Variants in DDX10 observed in about 807,000 individuals in gnomAD.
The protein encoded by DDX10 is DEAD-box helicase 10.
In DDX10, 74 loss-of-function variants were observed where a neutral mutation model predicts 104.3. The ratio of observed to expected loss-of-function variants is 0.71; its 90% CI spans 0.59 to 0.86. The LOEUF (loss-of-function observed/expected upper bound fraction) is 0.86. DDX10 is among the 40% of genes least tolerant of loss of function. The pLI, the probability that DDX10 is intolerant of heterozygous loss-of-function variation, is 0.00. For missense variants in DDX10, 952 were observed against 1,040.0 expected, an observed-to-expected ratio of 0.92 and a Z score of 1.16; for synonymous variants, 351 against 353.4, an observed-to-expected ratio of 0.99 and a Z score of 0.08.
At chr11:108,885,458 A>G (rs1005935398) in intron 16 of DDX10, among the ~76,000 whole-genome samples, 3 of 151,306 alleles carry the variant, frequency 2.0e-5, no homozygotes, top group African/African-American at 7.3e-5. Context: ...CCTGGGTTCA[A>G]GCAATTCTCC....
At chr11:108,836,653 A>AT (rs966133318) in intron 13 of DDX10, among the ~76,000 whole-genome samples, 3 of 151,810 alleles carry the variant, frequency 2.0e-5, no homozygotes, top group Non-Finnish European at 4.4e-5. Context: ...TGCCCAGCTA[A>AT]TTTTTTTATA....
intron 13 of DDX10, among the ~76,000 whole-genome samples, chr11:108,737,959 A>G (rs1383398431): frequency 6.6e-6 from 1 of 152,166 alleles, no homozygotes; most frequent in Non-Finnish European, 1.5e-5. Context: ...AAGCAGAGGA[A>G]TGTTTTCTTC....
chr11:108,673,423 G>C (rs377275416), intron 1 of DDX10, 44 bp from the exon 2 acceptor site: 4 of 1,346,752 alleles, frequency 3.0e-6, no homozygotes, highest in South Asian at 1.2e-5. Context: ...TGGCTGTGTC[G>C]TGAAACAAAT....
At chr11:108,684,316 C>T (rs1182269796) in intron 6 of DDX10, among the ~76,000 whole-genome samples, 1 of 150,694 alleles carries the variant, frequency 6.6e-6, no homozygotes, top group African/African-American at 2.4e-5. Context: ...TGTCATCTAG[C>T]ATTAGGTATA....
At chr11:108,895,382 T>C (rs920683960) in intron 16 of DDX10, among the ~76,000 whole-genome samples, 1 of 152,076 alleles carries the variant, frequency 6.6e-6, no homozygotes, top group East Asian at 1.9e-4. Flanking sequence ...TAGTCTCTTA[T>C]TAAGTGATCT....
intron 13 of DDX10, among the ~76,000 whole-genome samples, chr11:108,837,538 T>C (rs1045596017): frequency 4.0e-5 from 6 of 151,408 alleles, no homozygotes; most frequent in Non-Finnish European, 8.8e-5. Flanking sequence ...GTAGTGGTTT[T>C]AGGTTGTGAG....
intron 11 of DDX10, among the ~76,000 whole-genome samples, chr11:108,719,105 T>TG (rs386374840): frequency 5.3e-5 from 1 of 18,790 alleles, no homozygotes; most frequent in Non-Finnish European, 3.5e-4. Flanking sequence ...ATGAAGATAG[T>TG]TTTTTTTTTT....
chr11:108,931,742 A>T (rs1487984615), intron 17 of DDX10, among the ~76,000 whole-genome samples: 1 of 152,120 alleles, frequency 6.6e-6, no homozygotes, highest in East Asian at 1.9e-4. Flanking sequence ...TTAATAATAA[A>T]CCTTTTAGGA....
intron 16 of DDX10, among the ~76,000 whole-genome samples, chr11:108,862,640 A>C (rs1396630637): frequency 6.6e-6 from 1 of 152,228 alleles, no homozygotes; most frequent in African/African-American, 2.4e-5. Context: ...CTCTGGTGTA[A>C]ATTAAAATGA....
chr11:108,804,978 T>G (rs1405238684), intron 13 of DDX10, among the ~76,000 whole-genome samples: 1 of 152,064 alleles, frequency 6.6e-6, no homozygotes, highest in African/African-American at 2.4e-5. Context: ...TATTAGAAAA[T>G]AGTTATAAGT....
chr11:108,742,519 C>T (rs986337874), intron 13 of DDX10, among the ~76,000 whole-genome samples: 23 of 151,202 alleles, frequency 1.5e-4, no homozygotes, highest in African/African-American at 4.4e-4. Flanking sequence ...GAGCTAAGAT[C>T]GCGCCATTGC....
chr11:108,726,121 A>G (rs558229361), intron 13 of DDX10, among the ~76,000 whole-genome samples: 1 of 152,106 alleles, frequency 6.6e-6, no homozygotes, highest in South Asian at 2.1e-4. Flanking sequence ...CAATAACACC[A>G]ATCTTGATTA....
chr11:108,877,154 C>T (rs986402131), intron 16 of DDX10, among the ~76,000 whole-genome samples: 3 of 152,114 alleles, frequency 2.0e-5, no homozygotes, highest in African/African-American at 4.8e-5. Context: ...ATGAAATCCT[C>T]GTTGTCTTGT....
chr11:108,761,805 G>T (rs1489498845), intron 13 of DDX10, among the ~76,000 whole-genome samples: 1 of 152,076 alleles, frequency 6.6e-6, no homozygotes, highest in African/African-American at 2.4e-5. Context: ...ATGGAGAGCT[G>T]TACTGTATAC....
At chr11:108,722,797 A>T (rs1261839000) in intron 12 of DDX10, among the ~76,000 whole-genome samples, 200 bp from the exon 13 acceptor site, 1 of 152,210 alleles carries the variant, frequency 6.6e-6, no homozygotes, top group Non-Finnish European at 1.5e-5. Context: ...AATAGTGTCT[A>T]AAATGTTTTC....
At chr11:108,789,686 A>G (rs1370679748) in intron 13 of DDX10, among the ~76,000 whole-genome samples, 2 of 152,162 alleles carry the variant, frequency 1.3e-5, no homozygotes, top group Admixed American at 6.5e-5. Context: ...TTGTATTGCC[A>G]GGGATAACAT....
intron 13 of DDX10, among the ~76,000 whole-genome samples, chr11:108,810,040 A>G (rs1862156684): frequency 6.6e-6 from 1 of 152,308 alleles, no homozygotes; most frequent in Middle Eastern, 3.4e-3. Context: ...TTCTTAGGTC[A>G]TTCATAAATG....
At chr11:108,904,320 A>G (rs976839350) in intron 16 of DDX10, among the ~76,000 whole-genome samples, 2 of 151,780 alleles carry the variant, frequency 1.3e-5, no homozygotes, top group African/African-American at 2.4e-5. Context: ...TCAAGGTGAC[A>G]TTTTTTTTGG....
chr11:108,888,491 G>C (rs1704979675), intron 16 of DDX10, among the ~76,000 whole-genome samples: 1 of 152,110 alleles, frequency 6.6e-6, no homozygotes, highest in African/African-American at 2.4e-5. Flanking sequence ...TATGCCATTT[G>C]CTTCCTATAG....
Sources: allele counts gnomAD v4.1 joint callset (sites outside exome capture counted in the v4.1 genomes callset), GRCh38; gene constraint gnomAD v4.1.1; transcripts MANE v1.5; gene names NCBI Gene and HGNC (gene_info 2026-07-23, HGNC 2026-07-21).